The following TRIM50 variants were observed in gnomAD, a reference collection of about 807,000 sequenced individuals.
TRIM50 encodes the protein tripartite motif containing 50.
Under a neutral mutation model 44.9 loss-of-function variants are expected in TRIM50, and 34 were observed. That is an observed-to-expected ratio of 0.76 (90% CI 0.58 to 1.01). TRIM50 has a LOEUF of 1.01. TRIM50 is among the 50% of genes least tolerant of loss of function. The pLI is 0.00. For synonymous variants in TRIM50, 307 were observed against 291.1 expected, an observed-to-expected ratio of 1.05 and a Z score of -0.56; for missense variants, 633 against 663.7, an observed-to-expected ratio of 0.95 and a Z score of 0.51.
Position 73,312,829 on chromosome 7 carries a change from C to T in TRIM50, c.*92G>A. ...GCCTGAAGACCTTCCTAAACAGTGA[C>T]GATATCACCTCAGGCGGGACCCAGC... On this transcript the variant is annotated 3_prime_UTR_variant, in exon 7 of 7. Transcript: ENST00000333149. The T allele has an allele frequency of 8.9e-6, 9 of 1,016,506 alleles. No individual in the cohort carries two copies. The highest frequency in any genetic ancestry group is 1.7e-5 in the South Asian group (1 of 59,596). 63.0% of individuals were successfully genotyped at this position (1,016,506 alleles called of 1,614,324 possible). A position where few individuals can be genotyped will look rare whatever the true frequency, so the allele number is the denominator to read the frequency against.
At chr7:73,322,658 T>C (rs1804523759) in intron 2 of TRIM50, among the ~76,000 whole-genome samples, 1 of 152,254 alleles carries the variant, frequency 6.6e-6, no homozygotes, top group South Asian at 2.1e-4. Flanking sequence ...CACACTCAGC[T>C]GGTGTTCCCG....
rs782138061 is a variant in TRIM50, at chr7:73,313,343, G to A, written c.1042C>T (p.Arg348Cys). Residue 348 changes from arginine to cysteine, a missense_variant, in exon 7 of 7, where the codon CGC (arginine) becomes TGC (cysteine). Arg to Cys is a radical substitution (Grantham distance 180). Transcript: ENST00000333149. The surrounding 1 kb of genome is among the most constrained non-coding windows in gnomAD (Gnocchi z 4.9). ...VLASRGFSCGRHYWEVVVGSK... is the reference protein window; with the variant it reads ...VLASRGFSCGCHYWEVVVGSK... ...CCCACCACCACCTCCCAGTAGTGGC[G>A]GCCGCAGGAGAAGCCGCGGCTGGCC... 42 of 1,604,016 alleles carry A rather than the reference G, an allele frequency of 2.6e-5. No individual in the cohort carries two copies. The highest frequency in any genetic ancestry group is 9.0e-5 in the East Asian group (4 of 44,530).
At chr7:73,321,329 A>AG (rs1554544998) in intron 2 of TRIM50, among the ~76,000 whole-genome samples, 1 of 152,150 alleles carries the variant, frequency 6.6e-6, no homozygotes, top group African/African-American at 2.4e-5. Context: ...TGCTGCCTGT[A>AG]GGGGACCCAT....
At chr7:73,314,364 T>C (rs1360862895) in intron 6 of TRIM50, 2 of 397,842 alleles carry the variant, frequency 5.0e-6, no homozygotes, top group Non-Finnish European at 4.8e-6. Flanking sequence ...ACCCAGGCCC[T>C]GGACCGCCAA....
chr7:73,325,884 C>T (rs1434670523), intron 1 of TRIM50, among the ~76,000 whole-genome samples: 8 of 19,194 alleles, frequency 4.2e-4, no homozygotes, highest in Middle Eastern at 0.031. Flanking sequence ...TTTTTTTGGG[C>T]GGGGGGGCTG....
chr7:73,320,310 T>C (rs1804466645), intron 2 of TRIM50, 68 bp from the exon 3 acceptor site: 1 of 1,611,458 alleles, frequency 6.2e-7, no homozygotes, highest in African/African-American at 1.3e-5. Context: ...TGGATCACCT[T>C]CTTGGGAGTA....
chr7:73,315,718 C>T (rs1390787509), intron 6 of TRIM50, among the ~76,000 whole-genome samples: 3 of 152,094 alleles, frequency 2.0e-5, no homozygotes, highest in African/African-American at 7.2e-5. Context: ...AGCAGTCTCC[C>T]TTATGTACAA....
chr7:73,327,109 T>C (rs562510831), intron 1 of TRIM50, among the ~76,000 whole-genome samples: 4 of 151,748 alleles, frequency 2.6e-5, no homozygotes, highest in Admixed American at 1.3e-4. Flanking sequence ...AGTTAATGAA[T>C]ATTATGGTCA....
intron 5 of TRIM50, 141 bp downstream of exon 5, chr7:73,318,546 T>C: frequency 1.3e-6 from 2 of 1,561,230 alleles, no homozygotes; most frequent in Non-Finnish European, 1.7e-6. Flanking sequence ...TTTCCTCTGT[T>C]TTTCCCAGGC....
chr7:73,326,822 C>T (rs1583788694), intron 1 of TRIM50, among the ~76,000 whole-genome samples: 1 of 151,964 alleles, frequency 6.6e-6, no homozygotes, highest in Non-Finnish European at 1.5e-5. Context: ...CAGAGTTTTG[C>T]TCTTGTTACC....
intron 2 of TRIM50, 99 bp from the exon 3 acceptor site, chr7:73,320,341 C>CCCAGGGAAA: frequency 6.4e-7 from 1 of 1,571,586 alleles, no homozygotes; most frequent in African/African-American, 1.3e-5. Context: ...CACAAGCACT[C>CCCAGGGAAA]CCAGGGAAAC....
At position 73,313,633 on chromosome 7, in the gene TRIM50, C is replaced by A. The variant is rs1342004446; in HGVS notation, c.875-123G>T. 6.3e-6 allele frequency: 5 copies of A among 790,700 alleles called. No homozygotes were observed. Among genetic ancestry groups the A allele is most frequent in the Non-Finnish European group, 5.9e-6 (3 of 512,014 alleles). 49.0% of individuals were successfully genotyped at this position (790,700 alleles called of 1,614,324 possible). The stretch of plus-strand genomic sequence containing the variant: ...GGCTGTGTCTTCCTCATCTCTCTAG[C>A]CCCAGGGTCTAGAAGGGGCCAGTAC... On this transcript the variant is annotated intron_variant, in intron 6 of 6. Transcript: ENST00000333149. The surrounding 1 kb of genome is among the most constrained non-coding windows in gnomAD (Gnocchi z 4.9).
chr7:73,317,033 A>C, intron 5 of TRIM50: 2 of 186,308 alleles, frequency 1.1e-5, no homozygotes, highest in Non-Finnish European at 1.1e-5. Context: ...GCCAATCAGA[A>C]ACCAATTATG....
rs1176273315 is a variant in TRIM50 at position 73,318,710 on chromosome 7, CT to C, written c.727-2del. 1 of 1,613,822 alleles carries C rather than the reference CT, an allele frequency of 6.2e-7. No individual in the cohort carries two copies. Among genetic ancestry groups the C allele is most frequent in the Non-Finnish European group, 8.5e-7 (1 of 1,179,876 alleles). On this transcript the variant is annotated splice_acceptor_variant, in intron 4 of 6. Coordinates refer to ENST00000333149, the MANE Select transcript of TRIM50 (RefSeq NM_178125.3). LOFTEE classifies it high-confidence loss of function. The stretch of plus-strand genomic sequence containing the variant: ...ACCTGGAGGCCATGGAGTGGAACTT[CT>C]GGAAGGCAAGAGAGAGGGAGGTTAA...
At position 73,324,652 on chromosome 7, in the gene TRIM50, G is replaced by C; in HGVS notation, c.136C>G (p.His46Asp). ...GGGCAGCGCAGCTCGGCATCCAGGT[G>C]GCAGGACAGGGAAACCAGGCAGCCC... is the stretch of plus-strand genomic sequence containing the variant. Reference protein sequence around the residue: ...CKGCLVSLSCHLDAELRCPVC... With the variant: ...CKGCLVSLSCDLDAELRCPVC... Residue 46 changes from histidine to aspartate, a missense_variant, in exon 2 of 7, where the codon CAC becomes GAC. Transcript: ENST00000333149. The C allele has an allele frequency of 1.2e-6, 2 of 1,614,222 alleles. No individual in the cohort carries two copies. Among genetic ancestry groups the C allele is most frequent in the Non-Finnish European group, 1.7e-6 (2 of 1,180,036 alleles).
At chr7:73,326,183 C>T (rs1804619737) in intron 1 of TRIM50, among the ~76,000 whole-genome samples, 1 of 152,248 alleles carries the variant, frequency 6.6e-6, no homozygotes, top group East Asian at 1.9e-4. Flanking sequence ...AGCCTTACTG[C>T]ACCCAGCCTT....
At chr7:73,315,183 A>G (rs1284080464) in intron 6 of TRIM50, 3 of 229,188 alleles carry the variant, frequency 1.3e-5, no homozygotes, top group African/African-American at 4.6e-5. Context: ...TCAAAAAGGC[A>G]AAGACTAAAG....
chr7:73,326,309 C>T (rs1804624758), intron 1 of TRIM50, among the ~76,000 whole-genome samples: 1 of 151,540 alleles, frequency 6.6e-6, no homozygotes, highest in Non-Finnish European at 1.5e-5. Context: ...CGCTTTGTTG[C>T]CTGGGCTGGT....
rs1415302947 is a variant in TRIM50 at position 73,312,690 on chromosome 7, A to G, written c.*231T>C. 2.3e-5 allele frequency: 12 copies of G among 520,694 alleles called. No homozygotes were observed. Among genetic ancestry groups the G allele is most frequent in the Non-Finnish European group, 3.4e-5 (10 of 296,920 alleles). The allele number at this position is 520,694 out of a possible 1,614,324, so 32.3% of individuals were successfully genotyped here. Reference sequence around the variant, plus strand: ...AAGTGGCAGGAACCATGGGGATTTCAGTGTGTCCCTGGCTGCCAAGGCCTG... The same window carrying G: ...AAGTGGCAGGAACCATGGGGATTTCGGTGTGTCCCTGGCTGCCAAGGCCTG... On this transcript the variant is annotated 3_prime_UTR_variant, in exon 7 of 7. Coordinates refer to ENST00000333149, the MANE Select transcript of TRIM50 (RefSeq NM_178125.3).
Sources: gnomAD v4.1 joint callset for allele counts (sites outside exome capture counted in the v4.1 genomes callset) on GRCh38, gnomAD v4.1.1 for gene constraint, Gnocchi (gnomAD v3.1) non-coding constraint, MANE v1.5 for transcripts, NCBI Gene and HGNC (gene_info 2026-07-23, HGNC 2026-07-21) for gene names.